Variants in PCSK6 observed in about 807,000 individuals in gnomAD.
PCSK6 encodes the protein paired basic amino acid cleaving enzyme 4.
In PCSK6, 85 loss-of-function variants were observed where a neutral mutation model predicts 123.3. The ratio of observed to expected loss-of-function variants is 0.69; its 90% CI spans 0.58 to 0.83. PCSK6 has a LOEUF of 0.83. Ranked by LOEUF, PCSK6 falls within the 40% of genes least tolerant of loss-of-function variation. PCSK6 has a pLI of 0.00. For missense variants in PCSK6, 1,191 were observed against 1,282.3 expected, an observed-to-expected ratio of 0.93 and a Z score of 1.09; for synonymous variants, 508 against 516.0, an observed-to-expected ratio of 0.98 and a Z score of 0.21.
chr15:101,364,928 A>C (rs192933609), intron 13 of PCSK6: 2 of 742,952 alleles, frequency 2.7e-6, no homozygotes, highest in African/African-American at 3.4e-5. Context: ...ACAGTGATCA[A>C]AACAATATGG....
intron 1 of PCSK6, among the ~76,000 whole-genome samples, chr15:101,447,999 C>T (rs1329466396): frequency 6.6e-6 from 1 of 152,238 alleles, no homozygotes; most frequent in African/African-American, 2.4e-5. Flanking sequence ...CCCGTGTCCT[C>T]CCCTGACCTC....
intron 11 of PCSK6, among the ~76,000 whole-genome samples, chr15:101,372,965 T>C (rs1446551938): frequency 6.6e-6 from 1 of 151,958 alleles, no homozygotes; most frequent in Non-Finnish European, 1.5e-5. Flanking sequence ...TTTAATCCCA[T>C]TGATAAGGCA....
At chr15:101,402,115 A>G (rs376344095) in intron 6 of PCSK6, among the ~76,000 whole-genome samples, 13 of 149,354 alleles carry the variant, frequency 8.7e-5, no homozygotes, top group Admixed American at 1.3e-4. Flanking sequence ...AAATAATGCC[A>G]CATATCTACA....
intron 19 of PCSK6, among the ~76,000 whole-genome samples, chr15:101,317,826 T>C (rs544129539): frequency 2.6e-5 from 4 of 152,224 alleles, no homozygotes; most frequent in Non-Finnish European, 5.9e-5. Context: ...TTGTTTCAAA[T>C]TTAAAAACAT....
intron 11 of PCSK6, among the ~76,000 whole-genome samples, chr15:101,375,676 A>T (rs1469504985): frequency 1.3e-5 from 2 of 152,136 alleles, no homozygotes; most frequent in East Asian, 3.9e-4. Flanking sequence ...CCCAACGAGC[A>T]CACTCCCAGC....
At chr15:101,452,580 G>A (rs1178219283) in intron 1 of PCSK6, among the ~76,000 whole-genome samples, 1 of 152,202 alleles carries the variant, frequency 6.6e-6, no homozygotes, top group Non-Finnish European at 1.5e-5. Flanking sequence ...GGGTGGCCCA[G>A]AACAAGGCAC....
At chr15:101,346,757 T>C in intron 13 of PCSK6, 2 of 1,230,078 alleles carry the variant, frequency 1.6e-6, no homozygotes, top group Non-Finnish European at 2.0e-6. Flanking sequence ...TTTAGTATTT[T>C]ATTTGCAAAA....
intron 1 of PCSK6, among the ~76,000 whole-genome samples, chr15:101,486,232 G>T (rs1343389643): frequency 1.3e-5 from 2 of 152,074 alleles, no homozygotes; most frequent in Non-Finnish European, 2.9e-5. Context: ...CCAAAGTGCT[G>T]GGATGAGCCA....
intron 1 of PCSK6, among the ~76,000 whole-genome samples, chr15:101,445,967 G>C (rs754367757): frequency 2.0e-5 from 3 of 152,222 alleles, no homozygotes; most frequent in Non-Finnish European, 4.4e-5. Context: ...CCCCTGCCCC[G>C]GGGCCGCCAT....
intron 1 of PCSK6, among the ~76,000 whole-genome samples, chr15:101,456,436 A>AG (rs2057182588): frequency 6.6e-6 from 1 of 152,164 alleles, no homozygotes; most frequent in Non-Finnish European, 1.5e-5. Context: ...AGGTCTCCAG[A>AG]GGCGTCTGTC....
intron 13 of PCSK6, among the ~76,000 whole-genome samples, chr15:101,334,819 C>T (rs930897581): frequency 2.6e-5 from 4 of 152,176 alleles, no homozygotes; most frequent in Non-Finnish European, 5.9e-5. Context: ...CAGTGGTGTG[C>T]ACTGTGTGGA....
chr15:101,458,408 T>C (rs1051361282), intron 1 of PCSK6, among the ~76,000 whole-genome samples: 1 of 152,156 alleles, frequency 6.6e-6, no homozygotes, highest in Admixed American at 6.5e-5. Flanking sequence ...CTGGGCAATG[T>C]GGCCCGGGCT....
At chr15:101,322,480 C>A (rs1221768307) in intron 18 of PCSK6, 40 bp downstream of exon 18, 1 of 1,398,492 alleles carries the variant, frequency 7.2e-7, no homozygotes. Context: ...CCAAGCAGCG[C>A]CACCGCCCTG....
At chr15:101,351,970 A>G (rs966127773) in intron 13 of PCSK6, among the ~76,000 whole-genome samples, 19 of 152,094 alleles carry the variant, frequency 1.2e-4, no homozygotes, top group African/African-American at 4.6e-4. Flanking sequence ...GCTGTTTTAC[A>G]CTATAATGGG....
chr15:101,400,633 T>C (rs1377420552), intron 6 of PCSK6, among the ~76,000 whole-genome samples: 1 of 152,196 alleles, frequency 6.6e-6, no homozygotes, highest in South Asian at 2.1e-4. Flanking sequence ...TTTACGTGAG[T>C]AGAATCCTGC....
intron 6 of PCSK6, among the ~76,000 whole-genome samples, chr15:101,425,297 C>A (rs2056220019): frequency 6.6e-6 from 1 of 152,202 alleles, no homozygotes. Context: ...AAAGCTGCTG[C>A]AAACAGCTTT....
chr15:101,347,999 C>A (rs1270049313), intron 13 of PCSK6, among the ~76,000 whole-genome samples: 1 of 152,214 alleles, frequency 6.6e-6, no homozygotes, highest in Non-Finnish European at 1.5e-5. Flanking sequence ...TGCCCTCAGA[C>A]AGGAAGGGCA....
At chr15:101,360,892 G>A (rs955509282) in intron 13 of PCSK6, among the ~76,000 whole-genome samples, 1 of 152,134 alleles carries the variant, frequency 6.6e-6, no homozygotes, top group African/African-American at 2.4e-5. Flanking sequence ...TCTCCTTAGA[G>A]CTTCTCATCA....
At position 101,398,544 on chromosome 15, in the gene PCSK6, C is replaced by T. The variant is rs935182662; in HGVS notation, c.856G>A (p.Val286Met). The part of the protein sequence containing the change: ...IRMLDGDVTD[V>M]VEAKSLGIRP... The stretch of plus-strand genomic sequence containing the variant: ...ATGCCCAGCGACTTTGCCTCGACCA[C>T]ATCTGTGACATCGCCGTCCAGCATG... The change falls in exon 7 of 22, where the codon GTG becomes ATG. Residue 286 changes from valine to methionine, a missense_variant. Coordinates refer to ENST00000611716, the MANE Select transcript of PCSK6 (RefSeq NM_002570.5). The surrounding 1 kb of genome is among the most constrained non-coding windows in gnomAD (Gnocchi z 4.6). 6.2e-7 allele frequency: 1 copy of T among 1,613,496 alleles called. No individual in the cohort carries two copies. Among genetic ancestry groups the T allele is most frequent in the Non-Finnish European group, 8.5e-7 (1 of 1,179,616 alleles).
Sources: gnomAD v4.1 joint callset for allele counts (sites outside exome capture counted in the v4.1 genomes callset) on GRCh38, gnomAD v4.1.1 for gene constraint, Gnocchi (gnomAD v3.1) non-coding constraint, MANE v1.5 for transcripts, NCBI Gene and HGNC (gene_info 2026-07-23, HGNC 2026-07-21) for gene names.